CRADD: variants seen among roughly 807,000 people sequenced by gnomAD.
The protein encoded by CRADD is death domain-containing protein CRADD.
CRADD carries 9 observed loss-of-function variants against 15.5 expected under a neutral mutation model. The ratio of observed to expected loss-of-function variants is 0.58; its 90% CI spans 0.35 to 1.01. CRADD has a LOEUF of 1.01. Among genes scored for constraint, CRADD ranks in the 50% least tolerant of loss-of-function variants. The probability of loss-of-function intolerance (pLI) is 0.02; values close to 1 mark genes in which losing one functional copy is unlikely to be tolerated. For synonymous variants in CRADD, 118 were observed against 107.6 expected, an observed-to-expected ratio of 1.10 and a Z score of -0.60; for missense variants, 227 against 250.3, an observed-to-expected ratio of 0.91 and a Z score of 0.63.
rs114939478 is a variant in CRADD at position 93,729,005 on chromosome 12, A to G, written c.298+49933A>G. 5.6e-3 allele frequency among the ~76,000 whole-genome samples: 847 copies of G among 152,270 alleles called. 11 individuals are homozygous for G. The highest frequency in any genetic ancestry group is 0.019 in the African/African-American group (809 of 41,548). On this transcript the variant is annotated intron_variant, in intron 2 of 2. Coordinates refer to ENST00000332896, the MANE Select transcript of CRADD (RefSeq NM_003805.5). ...AATGTTTGGGGCCAGTTATATTTCAAAATTTAGGGTTTTTAGCAGTATCTC... is the reference window on the plus strand; with the variant it reads ...AATGTTTGGGGCCAGTTATATTTCAGAATTTAGGGTTTTTAGCAGTATCTC...
rs181615304 is a variant in CRADD at position 93,810,241 on chromosome 12, G to C, written c.299-39729G>C. ...AGAGAAGACAGGAAGAGAAAGAACCGATGTGCCTTAAGAATAGGGAATTTC... is the reference window on the plus strand; with the variant it reads ...AGAGAAGACAGGAAGAGAAAGAACCCATGTGCCTTAAGAATAGGGAATTTC... On this transcript the variant is annotated intron_variant, in intron 2 of 2. Coordinates refer to ENST00000332896, the MANE Select transcript of CRADD (RefSeq NM_003805.5). 9.2e-5 allele frequency among the ~76,000 whole-genome samples: 14 copies of C among 152,114 alleles called. No homozygotes were observed. The East Asian group carries it at 2.7e-3, about 30-fold the overall frequency.
chr12:93,818,318 A>G (rs1180083493), intron 2 of CRADD, among the ~76,000 whole-genome samples: 1 of 152,208 alleles, frequency 6.6e-6, no homozygotes, highest in African/African-American at 2.4e-5. Context: ...AAGATGGGAT[A>G]CAAAAAGGTA....
intron 2 of CRADD, among the ~76,000 whole-genome samples, chr12:93,867,894 A>G (rs1034661256): frequency 6.6e-6 from 1 of 152,224 alleles, no homozygotes; most frequent in African/African-American, 2.4e-5. Flanking sequence ...AGGAAATTAG[A>G]AAGAGAAATT....
chr12:93,710,289 T>C (rs1956038293), intron 2 of CRADD, among the ~76,000 whole-genome samples: 2 of 152,034 alleles, frequency 1.3e-5, no homozygotes. Context: ...CCTTACAGCA[T>C]GGTGGCTGGG....
intron 2 of CRADD, among the ~76,000 whole-genome samples, chr12:93,880,783 C>T (rs542975131): frequency 6.6e-5 from 10 of 152,318 alleles, no homozygotes; most frequent in South Asian, 4.1e-4. Context: ...TTCTGCCTTT[C>T]GGTTGCTCCC....
At chr12:93,687,318 C>T (rs891523245) in intron 2 of CRADD, among the ~76,000 whole-genome samples, 7 of 152,076 alleles carry the variant, frequency 4.6e-5, no homozygotes, top group Admixed American at 1.3e-4. Flanking sequence ...ATGTATAGAC[C>T]GTTCGGCTGC....
chr12:93,739,096 G>A (rs1311751649), intron 2 of CRADD, among the ~76,000 whole-genome samples: 6 of 152,020 alleles, frequency 3.9e-5, no homozygotes, highest in Non-Finnish European at 5.9e-5. Flanking sequence ...ATCTGACTAT[G>A]TAGAGACACG....
intron 2 of CRADD, among the ~76,000 whole-genome samples, chr12:93,782,970 TTCCTC>T (rs1429546875): frequency 2.6e-5 from 4 of 152,130 alleles, no homozygotes; most frequent in African/African-American, 4.8e-5. Flanking sequence ...TCTTTACACT[TTCCTC>T]TACTTTGTTA....
At chr12:93,708,621 T>C (rs1351562671) in intron 2 of CRADD, 1 of 152,252 alleles carries the variant, frequency 6.6e-6, no homozygotes, top group Non-Finnish European at 1.5e-5. Context: ...GACCACTCTA[T>C]CTACTTCCTG....
chr12:93,801,669 G>A (rs1157061334), intron 2 of CRADD, among the ~76,000 whole-genome samples: 2 of 152,210 alleles, frequency 1.3e-5, no homozygotes, highest in African/African-American at 4.8e-5. Context: ...AAAGTGCTGG[G>A]ATTCCAGGCA....
At chr12:93,743,833 G>A (rs1336014687) in intron 2 of CRADD, among the ~76,000 whole-genome samples, 1 of 151,942 alleles carries the variant, frequency 6.6e-6, no homozygotes, top group Non-Finnish European at 1.5e-5. Context: ...AAAATGTTAT[G>A]TTAGCAACAT....
At chr12:93,787,128 A>ATTTTTTTTTTTTTTTTTTTTTT (rs11315592) in intron 2 of CRADD, among the ~76,000 whole-genome samples, 2 of 107,734 alleles carry the variant, frequency 1.9e-5, no homozygotes, top group Non-Finnish European at 3.6e-5. Context: ...TCTGCTGAAG[A>ATTTTTTTTTTTTTTTTTTTTTT]TTTTTTTTTT....
intron 2 of CRADD, among the ~76,000 whole-genome samples, chr12:93,796,711 A>G (rs571705648): frequency 7.9e-5 from 12 of 152,050 alleles, no homozygotes; most frequent in African/African-American, 1.2e-4. Flanking sequence ...CCTTGTCAAG[A>G]TTATAATTTT....
At chr12:93,695,515 G>A (rs1255355418) in intron 2 of CRADD, among the ~76,000 whole-genome samples, 1 of 152,130 alleles carries the variant, frequency 6.6e-6, no homozygotes, top group Non-Finnish European at 1.5e-5. Flanking sequence ...CTATGGAATG[G>A]GAGAAATTAT....
intron 2 of CRADD, among the ~76,000 whole-genome samples, chr12:93,700,341 C>G (rs952210778): frequency 3.9e-5 from 6 of 152,210 alleles, no homozygotes; most frequent in African/African-American, 1.4e-4. Flanking sequence ...CTTCCTATCA[C>G]TGTGACCCCT....
intron 2 of CRADD, among the ~76,000 whole-genome samples, chr12:93,864,126 C>T (rs1341653975): frequency 1.3e-5 from 2 of 152,184 alleles, no homozygotes; most frequent in Non-Finnish European, 2.9e-5. Context: ...ACAGTCATAG[C>T]TTACTATAGC....
At chr12:93,721,439 G>GCACATA (rs1565887351) in intron 2 of CRADD, among the ~76,000 whole-genome samples, 1 of 151,656 alleles carries the variant, frequency 6.6e-6, no homozygotes, top group Non-Finnish European at 1.5e-5. Context: ...ATATGTGTAT[G>GCACATA]CACATACACA....
intron 2 of CRADD, among the ~76,000 whole-genome samples, chr12:93,730,928 C>T (rs925622731): frequency 1.3e-5 from 2 of 152,084 alleles, no homozygotes; most frequent in Non-Finnish European, 2.9e-5. Flanking sequence ...GTTGGCCAGG[C>T]TGGTCTCCAA....
chr12:93,831,472 G>T (rs992825329), intron 2 of CRADD: 2 of 152,172 alleles, frequency 1.3e-5, no homozygotes, highest in Admixed American at 1.3e-4. Context: ...AGCCAAATGG[G>T]ATTCCCATCT....
Sources: gnomAD v4.1 joint callset for allele counts (sites outside exome capture counted in the v4.1 genomes callset) on GRCh38, gnomAD v4.1.1 for gene constraint, MANE v1.5 for transcripts, NCBI Gene and HGNC (gene_info 2026-07-23, HGNC 2026-07-21) for gene names.